The following PARD3 variants were observed in gnomAD, a reference collection of about 807,000 sequenced individuals.
The protein encoded by PARD3 is partitioning defective 3 homolog.
Under a neutral mutation model 155.4 loss-of-function variants are expected in PARD3, and 75 were observed. That is an observed-to-expected ratio of 0.48 (90% CI 0.40 to 0.58). PARD3 has a LOEUF of 0.58. PARD3 is among the 20% of genes least tolerant of loss of function. PARD3 has a pLI of 0.00. For missense variants in PARD3, 1,642 were observed against 1,721.7 expected, an observed-to-expected ratio of 0.95 and a Z score of 0.82; for synonymous variants, 576 against 610.5, an observed-to-expected ratio of 0.94 and a Z score of 0.83.
chr10:34,144,049 TTTAG>T lies in PARD3; in HGVS notation c.3420-12470_3420-12467del, dbSNP rs755916764. Among the ~76,000 whole-genome samples, 211 of 152,268 alleles carry T rather than the reference TTTAG, an allele frequency of 1.4e-3. No individual in the cohort carries two copies. In the Middle Eastern group the frequency reaches 0.017, roughly 12 times the overall value. On this transcript the variant is annotated intron_variant, in intron 22 of 24. Coordinates refer to ENST00000374788, the MANE Select transcript of PARD3 (RefSeq NM_001184785.2). Reference sequence around the variant, plus strand: ...AATTAATTTAACTTCTCATTTCAGATTTAGTTAAATTATTATATTAGGAAAACAA... The same window carrying T: ...AATTAATTTAACTTCTCATTTCAGATTTAAATTATTATATTAGGAAAACAA...
intron 22 of PARD3, among the ~76,000 whole-genome samples, chr10:34,208,011 A>G (rs1951560649): frequency 6.6e-6 from 1 of 152,230 alleles, no homozygotes; most frequent in African/African-American, 2.4e-5. Context: ...TGCAAAGAAC[A>G]CACCTTTTTA....
At chr10:34,304,277 C>T (rs1024840142) in intron 20 of PARD3, among the ~76,000 whole-genome samples, 1 of 151,326 alleles carries the variant, frequency 6.6e-6, no homozygotes, top group Non-Finnish European at 1.5e-5. Context: ...GGGAGAATCA[C>T]TCGAAGCCAG....
chr10:34,681,723 A>C, intron 2 of PARD3, among the ~76,000 whole-genome samples: 1 of 80,328 alleles, frequency 1.2e-5, no homozygotes, highest in Admixed American at 1.7e-4. Flanking sequence ...TATTTTACGT[A>C]TGTATTTTAT....
rs1249574952 is a variant in PARD3 at position 34,317,352 on chromosome 10, A to G, written c.2834-14T>C. 6.4e-7 allele frequency: 1 copy of G among 1,559,092 alleles called. No homozygotes were observed. The highest frequency in any genetic ancestry group is 8.7e-7 in the Non-Finnish European group (1 of 1,154,274). The stretch of plus-strand genomic sequence containing the variant: ...TGTCTTCTTCCACTTGGAAGGAAAG[A>G]AAAAAAAATAGGGACACAGTGAACC... On this transcript the variant is annotated splice_polypyrimidine_tract_variant and intron_variant, in intron 19 of 24. Coordinates refer to ENST00000374788, the MANE Select transcript of PARD3 (RefSeq NM_001184785.2).
intron 10 of PARD3, among the ~76,000 whole-genome samples, chr10:34,376,921 T>C (rs1483217236): frequency 6.6e-6 from 1 of 151,968 alleles, no homozygotes; most frequent in African/African-American, 2.4e-5. Context: ...CTAAGAAAAA[T>C]GGTTTAAAAC....
At chr10:34,173,015 A>G (rs1227940668) in intron 22 of PARD3, among the ~76,000 whole-genome samples, 1 of 152,224 alleles carries the variant, frequency 6.6e-6, no homozygotes, top group Non-Finnish European at 1.5e-5. Context: ...AAATCACTTC[A>G]GACATCAGAG....
Position 34,372,533 on chromosome 10 carries a change from C to T in PARD3, c.1672G>A (p.Ala558Thr). The change falls in exon 12 of 25, where the codon GCA (alanine) becomes ACA (threonine). Residue 558 changes from alanine to threonine, a missense_variant. Around this residue, in one of 3 missense-constraint regions of PARD3, gnomAD observed 1,529 missense variants for 1,587.3 expected, o/e 0.96. Coordinates refer to ENST00000374788, the MANE Select transcript of PARD3 (RefSeq NM_001184785.2). ...EDAFHPRELN[A>T]EPSQMQIPKE... ...GGAATCTGCATCTGGCTTGGCTCTGCATTCTAGAAGAATTGAAGAAAAACA... is the reference window on the plus strand; with the variant it reads ...GGAATCTGCATCTGGCTTGGCTCTGTATTCTAGAAGAATTGAAGAAAAACA... The T allele has an allele frequency of 1.2e-6, 2 of 1,608,108 alleles. No homozygotes were observed. The highest frequency in any genetic ancestry group is 8.5e-7 in the Non-Finnish European group (1 of 1,174,790).
At chr10:34,228,847 C>G (rs555711872) in intron 22 of PARD3, among the ~76,000 whole-genome samples, 10 of 152,080 alleles carry the variant, frequency 6.6e-5, no homozygotes, top group African/African-American at 2.2e-4. Context: ...CCCTTTATTA[C>G]GCACGTGTGT....
rs533751577 is a variant in PARD3 at position 34,117,885 on chromosome 10, G to A, written c.3668+1728C>T. Among the ~76,000 whole-genome samples, 7 of 152,214 alleles carry A rather than the reference G, an allele frequency of 4.6e-5. No individual in the cohort carries two copies. In the South Asian group the frequency reaches 6.2e-4, roughly 14 times the overall value. ...AAGGTCGCGCCACTGCACTCCAGCC[G>A]GGGCAACAGAACAAGACTCTGTCTC... On this transcript the variant is annotated intron_variant, in intron 24 of 24. Transcript: ENST00000374788.
rs138576506 is a variant in PARD3, at chr10:34,319,769, C to G, written c.2834-2431G>C. 2.9e-3 allele frequency among the ~76,000 whole-genome samples: 438 copies of G among 152,294 alleles called. 1 individual carries two copies. The highest frequency in any genetic ancestry group is 4.7e-3 in the Non-Finnish European group (322 of 68,026). Reference sequence around the variant, plus strand: ...TAGTGTGTTGCTTAATGCCCTTGAACATGGCTGTGTTCTATCTGCTTGTGA... The same window carrying G: ...TAGTGTGTTGCTTAATGCCCTTGAAGATGGCTGTGTTCTATCTGCTTGTGA... On this transcript the variant is annotated intron_variant, in intron 19 of 24. Coordinates refer to ENST00000374788, the MANE Select transcript of PARD3 (RefSeq NM_001184785.2).
At chr10:34,559,047 C>G (rs1032726800) in intron 2 of PARD3, among the ~76,000 whole-genome samples, 1 of 151,894 alleles carries the variant, frequency 6.6e-6, no homozygotes, top group African/African-American at 2.4e-5. Flanking sequence ...ATTTTTCCCC[C>G]CCACAGAATT....
intron 22 of PARD3, among the ~76,000 whole-genome samples, chr10:34,221,432 T>C (rs1025139364): frequency 6.6e-6 from 1 of 150,858 alleles, no homozygotes; most frequent in Non-Finnish European, 1.5e-5. Flanking sequence ...TAGCTATTTA[T>C]GGTGTACAAT....
intron 1 of PARD3, among the ~76,000 whole-genome samples, chr10:34,715,613 C>G (rs1396994948): frequency 6.6e-6 from 1 of 152,212 alleles, no homozygotes; most frequent in Admixed American, 6.5e-5. Context: ...CTACTTTTAT[C>G]TTATGCCCAG....
intron 5 of PARD3, among the ~76,000 whole-genome samples, chr10:34,444,865 G>A (rs1289852484): frequency 6.6e-6 from 1 of 152,084 alleles, no homozygotes; most frequent in Admixed American, 6.6e-5. Flanking sequence ...TATTCCCACT[G>A]GAAAAGCTGA....
At chr10:34,353,196 C>T (rs556101233) in intron 14 of PARD3, among the ~76,000 whole-genome samples, 22 of 152,228 alleles carry the variant, frequency 1.4e-4, no homozygotes, top group Admixed American at 9.2e-4. Context: ...TCTGCCTGGG[C>T]GCCACCCCGT....
In PARD3 at chr10:34,384,206, T is replaced by C. The variant is rs1202679030; in HGVS notation, c.939A>G (p.Glu313=). 6.2e-7 allele frequency: 1 copy of C among 1,613,600 alleles called. No individual in the cohort carries two copies. Among genetic ancestry groups the C allele is most frequent in the Non-Finnish European group, 8.5e-7 (1 of 1,179,612 alleles). ...CATTCTCACGAAAAAGATTTTCATG[T>C]TCAGCTTTACCACCTTTCTCCAATC... ...VKRLEKGGKA[E]HENLFRENDC... Residue 313 remains glutamate, a synonymous_variant, in exon 8 of 25, where the codon GAA becomes GAG. Transcript: ENST00000374788.
At chr10:34,339,088 T>C (rs1220523299) in intron 16 of PARD3, among the ~76,000 whole-genome samples, 2 of 152,148 alleles carry the variant, frequency 1.3e-5, no homozygotes, top group East Asian at 3.8e-4. Context: ...TCAAAACCCA[T>C]ATGATAAGAA....
chr10:34,801,458 G>GTGGTATGAA, intron 1 of PARD3, among the ~76,000 whole-genome samples: 1 of 152,188 alleles, frequency 6.6e-6, no homozygotes, highest in Admixed American at 6.5e-5. Context: ...AAAGACGGAT[G>GTGGTATGAA]AGAGGAGGTA....
chr10:34,733,629 G>T (rs573188883), intron 1 of PARD3, among the ~76,000 whole-genome samples: 1 of 152,114 alleles, frequency 6.6e-6, no homozygotes, highest in Non-Finnish European at 1.5e-5. Flanking sequence ...GATTACAGGC[G>T]TGTGCCACCA....
Sources: gnomAD v4.1 joint callset for allele counts (sites outside exome capture counted in the v4.1 genomes callset) on GRCh38, gnomAD v4.1.1 for gene constraint, gnomAD v4.1.1 regional missense constraint, MANE v1.5 for transcripts, NCBI Gene and HGNC (gene_info 2026-07-23, HGNC 2026-07-21) for gene names.